Variants in MEGF10 observed in about 807,000 individuals in gnomAD.
MEGF10 encodes multiple EGF like domains 10, also known as multiple epidermal growth factor-like domains protein 10.
A neutral mutation model predicts 147.5 loss-of-function variants in MEGF10; 86 were observed. That is an observed-to-expected ratio of 0.58 (90% CI 0.49 to 0.70). MEGF10 has a LOEUF of 0.70. MEGF10 is among the 30% of genes least tolerant of loss of function. The pLI, the probability that MEGF10 is intolerant of heterozygous loss-of-function variation, is 0.00. For missense variants in MEGF10, 1,329 were observed against 1,487.3 expected, an observed-to-expected ratio of 0.89 and a Z score of 1.75; for synonymous variants, 478 against 525.5, an observed-to-expected ratio of 0.91 and a Z score of 1.24.
intron 1 of MEGF10, among the ~76,000 whole-genome samples, chr5:127,308,615 GA>G (rs1405243127): frequency 6.6e-6 from 1 of 150,524 alleles, no homozygotes; most frequent in Non-Finnish European, 1.5e-5. Context: ...TCGCAAGGAC[GA>G]AAAACCAAAC....
chr5:127,345,392 G>A (rs1303308336), intron 4 of MEGF10, among the ~76,000 whole-genome samples: 1 of 152,090 alleles, frequency 6.6e-6, no homozygotes, highest in Non-Finnish European at 1.5e-5. Flanking sequence ...AGCAGACTTT[G>A]ACTAACAAGG....
the MEGF10 span, among the ~76,000 whole-genome samples, chr5:127,251,364 A>T: frequency 6.6e-6 from 1 of 152,032 alleles, no homozygotes; most frequent in Non-Finnish European, 1.5e-5. Flanking sequence ...GAAGTTACTT[A>T]AACTCTTTGT....
the MEGF10 span, among the ~76,000 whole-genome samples, chr5:127,258,723 G>T: frequency 6.6e-6 from 1 of 152,096 alleles, no homozygotes; most frequent in Non-Finnish European, 1.5e-5. Flanking sequence ...TAATGGATTT[G>T]CTCTCTCTTG....
rs150095036 is a variant in MEGF10 at position 127,443,112 on chromosome 5, C to T, written c.2477C>T (p.Ala826Val). 8.3e-5 allele frequency: 134 copies of T among 1,612,786 alleles called. No homozygotes were observed. The highest frequency in any genetic ancestry group is 1.6e-4 in the Middle Eastern group (1 of 6,068). Residue 826 changes from alanine (A) to valine (V), a missense_variant, in exon 19 of 25, where the codon GCG (alanine) becomes GTG (valine). Physicochemically the swap from Ala to Val is moderately conservative, Grantham distance 64 (BLOSUM62 0). Around this residue, in one of 3 missense-constraint regions of MEGF10, gnomAD observed 6 missense variants for 23.5 expected, o/e 0.26. Coordinates refer to ENST00000503335, the MANE Select transcript of MEGF10 (RefSeq NM_001256545.2). Reference protein sequence around the residue: ...TCYCSPGWKGARCDQAGVIIV... With the variant: ...TCYCSPGWKGVRCDQAGVIIV... ...TACTGCAGCCCCGGATGGAAGGGAG[C>T]GAGATGTGATCAAGGTAAATATACT...
chr5:127,366,740 A>G (rs921724924), intron 4 of MEGF10, among the ~76,000 whole-genome samples: 39 of 152,222 alleles, frequency 2.6e-4, no homozygotes, highest in African/African-American at 8.9e-4. Flanking sequence ...AACTTCTTGG[A>G]ATTCATTTCA....
chr5:127,323,825 G>C (rs533641941), intron 1 of MEGF10, among the ~76,000 whole-genome samples: 1 of 152,294 alleles, frequency 6.6e-6, no homozygotes, highest in African/African-American at 2.4e-5. Context: ...ACAGGGGCTA[G>C]AGGATCCACT....
intron 5 of MEGF10, among the ~76,000 whole-genome samples, chr5:127,395,359 C>G (rs1368894113): frequency 2.0e-5 from 3 of 151,828 alleles, no homozygotes; most frequent in African/African-American, 7.3e-5. Flanking sequence ...CTTCCTTTGT[C>G]TTTTACCTGG....
At chr5:127,352,654 G>A (rs1762124945) in intron 4 of MEGF10, among the ~76,000 whole-genome samples, 1 of 151,984 alleles carries the variant, frequency 6.6e-6, no homozygotes, top group African/African-American at 2.4e-5. Flanking sequence ...GCGACAGAGT[G>A]AGACTGTCTC....
At chr5:127,241,715 A>G in the MEGF10 span, among the ~76,000 whole-genome samples, 194 of 152,316 alleles carry the variant, frequency 1.3e-3, 1 homozygote, top group African/African-American at 4.5e-3. Context: ...AAGTAGAGCT[A>G]TAACAGAGAG....
At chr5:127,250,422 CA>C in the MEGF10 span, among the ~76,000 whole-genome samples, 2,508 of 151,694 alleles carry the variant, frequency 0.017, 58 homozygotes, top group East Asian at 0.087. Flanking sequence ...TCAATATGGG[CA>C]AAAATGTATT....
At chr5:127,274,624 AT>A in the MEGF10 span, among the ~76,000 whole-genome samples, 27 of 151,942 alleles carry the variant, frequency 1.8e-4, no homozygotes, top group Admixed American at 4.6e-4. Context: ...TTAAAAATCT[AT>A]TTTTTTTAAT....
At chr5:127,422,511 C>G (rs1052106895) in intron 12 of MEGF10, among the ~76,000 whole-genome samples, 159 bp from the exon 13 acceptor site, 9 of 151,594 alleles carry the variant, frequency 5.9e-5, no homozygotes, top group African/African-American at 2.2e-4. Flanking sequence ...GAGACTCCAT[C>G]TCAAAAAAAA....
chr5:127,335,526 C>T (rs1187477436), intron 2 of MEGF10, among the ~76,000 whole-genome samples: 3 of 152,112 alleles, frequency 2.0e-5, no homozygotes, highest in Admixed American at 6.6e-5. Context: ...TCAAACACAT[C>T]GCTTCCAGAA....
the MEGF10 span, among the ~76,000 whole-genome samples, chr5:127,285,467 A>G: frequency 3.3e-5 from 5 of 152,162 alleles, no homozygotes; most frequent in African/African-American, 1.2e-4. Flanking sequence ...TAACAGAGTG[A>G]TATAGTTACC....
At chr5:127,310,915 C>T (rs147415286) in intron 1 of MEGF10, among the ~76,000 whole-genome samples, 1 of 152,240 alleles carries the variant, frequency 6.6e-6, no homozygotes, top group East Asian at 1.9e-4. Context: ...CTTCCTAAAG[C>T]ACCCTCCTTT....
At chr5:127,306,504 A>G (rs901856518) in intron 1 of MEGF10, among the ~76,000 whole-genome samples, 8 of 152,206 alleles carry the variant, frequency 5.3e-5, no homozygotes, top group African/African-American at 1.9e-4. Context: ...CATTTAGCAT[A>G]TGCTGGGAAC....
chr5:127,307,221 C>T (rs750509394), intron 1 of MEGF10, among the ~76,000 whole-genome samples: 2 of 152,120 alleles, frequency 1.3e-5, no homozygotes, highest in African/African-American at 4.8e-5. Flanking sequence ...TGATGTTAGA[C>T]ACCTGAAAAA....
At chr5:127,398,858 T>C (rs1227073874) in intron 7 of MEGF10, 62 bp downstream of exon 7, 8 of 1,601,340 alleles carry the variant, frequency 5.0e-6, no homozygotes, top group Non-Finnish European at 6.8e-6. Flanking sequence ...GGATACTCAG[T>C]GCATACACAT....
In MEGF10 at chr5:127,359,281, A is replaced by AT. The variant is rs370381039; in HGVS notation, c.320-10618dup. Among the ~76,000 whole-genome samples the AT allele has an allele frequency of 4.9e-4, 72 of 148,160 alleles. 1 individual carries two copies. Among genetic ancestry groups the AT allele is most frequent in the East Asian group, 7.9e-4 (4 of 5,090 alleles). On this transcript the variant is annotated intron_variant, in intron 4 of 24. Coordinates refer to ENST00000503335, the MANE Select transcript of MEGF10 (RefSeq NM_001256545.2). Reference sequence around the variant, plus strand: ...ATAGAGGATTTGAGTGTTAGCTCAGATTTTTTTTTTTCTCTATGGAGAGAG... The same window carrying AT: ...ATAGAGGATTTGAGTGTTAGCTCAGATTTTTTTTTTTTCTCTATGGAGAGAG...
Sources: gnomAD v4.1 joint callset for allele counts (sites outside exome capture counted in the v4.1 genomes callset) on GRCh38, gnomAD v4.1.1 for gene constraint, gnomAD v4.1.1 regional missense constraint, MANE v1.5 for transcripts, NCBI Gene and HGNC (gene_info 2026-07-23, HGNC 2026-07-21) for gene names.